The following RSF1 variants were observed in gnomAD, a reference collection of about 807,000 sequenced individuals.
RSF1 encodes remodeling and spacing factor 1.
In RSF1, 13 loss-of-function variants were observed where a neutral mutation model predicts 145.2. The ratio of observed to expected loss-of-function variants is 0.09; its 90% CI spans 0.06 to 0.14. The LOEUF (loss-of-function observed/expected upper bound fraction) is 0.14, where lower values mean the gene tolerates loss of function less well. RSF1 is among the 10% of genes least tolerant of loss of function. RSF1 has a pLI of 1.00. For synonymous variants in RSF1, 577 were observed against 592.6 expected, an observed-to-expected ratio of 0.97 and a Z score of 0.38; for missense variants, 1,517 against 1,718.2, an observed-to-expected ratio of 0.88 and a Z score of 2.07.
intron 5 of RSF1, among the ~76,000 whole-genome samples, chr11:77,707,280 T>C (rs1590842389): frequency 6.6e-6 from 1 of 152,224 alleles, no homozygotes. Context: ...GTCTAAATGT[T>C]GGCAAATAAC....
chr11:77,790,192 G>A (rs1948502754), intron 1 of RSF1, among the ~76,000 whole-genome samples: 1 of 152,216 alleles, frequency 6.6e-6, no homozygotes, highest in Non-Finnish European at 1.5e-5. Context: ...GTTCCACATG[G>A]CTAGGGAGGC....
chr11:77,701,094 G>A lies in RSF1; in HGVS notation c.2135C>T (p.Pro712Leu), dbSNP rs1012569237. Residue 712 changes from proline to leucine, a missense_variant, in exon 6 of 16, where the codon CCT (proline) becomes CTT (leucine). By Grantham distance (98) the Pro-to-Leu change is moderately conservative. This residue lies in a region of RSF1 where 579 missense variants were observed against 553.5 expected (regional missense o/e 1.05). Coordinates refer to ENST00000308488, the MANE Select transcript of RSF1 (RefSeq NM_016578.4). Reference sequence around the variant, plus strand: ...TTCTGAGGCAGTGGTTTCTTCTTCAGGAACCAACTTATATTTGAATTTGCT... The same window carrying A: ...TTCTGAGGCAGTGGTTTCTTCTTCAAGAACCAACTTATATTTGAATTTGCT... ...QKSKFKYKLV[P>L]EEETTASENT... The A allele has an allele frequency of 6.2e-7, 1 of 1,613,248 alleles. No homozygotes were observed. The highest frequency in any genetic ancestry group is 1.3e-5 in the African/African-American group (1 of 74,762).
chr11:77,821,170 G>T (rs1395563936), upstream of RSF1: 8 of 374,000 alleles, frequency 2.1e-5, no homozygotes, highest in Non-Finnish European at 2.4e-5. Context: ...TCCCGAAGCA[G>T]CGCTGGGAGC....
rs75736986 is a variant in RSF1, at chr11:77,666,823, A to T, written c.*94T>A. On this transcript the variant is annotated 3_prime_UTR_variant, in exon 16 of 16. Transcript: ENST00000308488. ...TCTTCTAAAAGTCATTCTGTAGTGG[A>T]GTTTTCTAGGAAAAATTAAACAGCT... 4.5e-3 allele frequency: 4,747 copies of T among 1,044,526 alleles called. 158 individuals are homozygous for T. In the East Asian group the frequency reaches 0.077, roughly 17 times the overall value. 64.7% of individuals were successfully genotyped at this position (1,044,526 alleles called of 1,614,324 possible).
intron 7 of RSF1, among the ~76,000 whole-genome samples, 191 bp downstream of exon 7, chr11:77,698,296 G>GA (rs1314501324): frequency 6.6e-6 from 1 of 152,234 alleles, no homozygotes; most frequent in African/African-American, 2.4e-5. Context: ...CAAGTAGAAT[G>GA]AAAGTAGGAT....
At chr11:77,834,443 T>G in the RSF1 span, among the ~76,000 whole-genome samples, 1 of 68,786 alleles carries the variant, frequency 1.5e-5, no homozygotes, top group Non-Finnish European at 3.3e-5. Flanking sequence ...TTGATTTTGT[T>G]TTTTTTTTTT....
At chr11:77,838,191 A>ATAGGTGCCAAATTGACAAGATG in the RSF1 span, among the ~76,000 whole-genome samples, 2 of 151,844 alleles carry the variant, frequency 1.3e-5, no homozygotes, top group African/African-American at 4.8e-5. Context: ...GGAGACACAT[A>ATAGGTGCCAAATTGACAAGATG]TAGGTGCCAA....
chr11:77,862,368 T>C, the RSF1 span, among the ~76,000 whole-genome samples: 5 of 152,346 alleles, frequency 3.3e-5, no homozygotes, highest in South Asian at 1.0e-3. Context: ...CTAACCCTTG[T>C]AAAACATCAA....
At chr11:77,748,439 G>C (rs1239648659) in intron 2 of RSF1, among the ~76,000 whole-genome samples, 2 of 151,640 alleles carry the variant, frequency 1.3e-5, no homozygotes, top group African/African-American at 4.9e-5. Flanking sequence ...TGCCAAGATG[G>C]ACAATGGACA....
chr11:77,866,876 T>C, the RSF1 span: 1 of 152,204 alleles, frequency 6.6e-6, no homozygotes. Flanking sequence ...GTTTCGCTCT[T>C]GTTGCCCAGG....
chr11:77,821,000 CA>C (rs1948872108), upstream of RSF1: 2 of 480,394 alleles, frequency 4.2e-6, no homozygotes, highest in African/African-American at 2.0e-5. Context: ...CCTCGTGTGA[CA>C]GGGGGAATGA....
intron 1 of RSF1, among the ~76,000 whole-genome samples, chr11:77,812,342 C>T (rs1342715692): frequency 5.9e-5 from 9 of 152,096 alleles, no homozygotes; most frequent in Non-Finnish European, 1.5e-5. Flanking sequence ...AGGGAAAAAA[C>T]TGTATAATCC....
the RSF1 span, among the ~76,000 whole-genome samples, chr11:77,858,813 T>C: frequency 6.6e-6 from 1 of 152,232 alleles, no homozygotes; most frequent in Admixed American, 6.5e-5. Context: ...CGGTAGGTCT[T>C]AGTCATGGAC....
upstream of RSF1, chr11:77,820,732 A>AGGAGGAGGCGATGGG (rs1948864600): frequency 1.9e-6 from 3 of 1,539,476 alleles, no homozygotes; most frequent in Non-Finnish European, 1.8e-6. Context: ...TGGAGGATGG[A>AGGAGGAGGCGATGGG]GGAGGAGGCG....
At chr11:77,758,154 AAAG>A (rs1415921072) in intron 2 of RSF1, among the ~76,000 whole-genome samples, 3 of 152,016 alleles carry the variant, frequency 2.0e-5, no homozygotes, top group Non-Finnish European at 2.9e-5. Flanking sequence ...AAAAAAAAAA[AAAG>A]AAGGTAGATT....
At chr11:77,764,283 G>A (rs1948204236) in intron 2 of RSF1, 1 of 237,684 alleles carries the variant, frequency 4.2e-6, no homozygotes, top group Non-Finnish European at 8.0e-6. Flanking sequence ...CAACATCCCT[G>A]AGCCTTATTA....
At chr11:77,777,019 C>A (rs1437942435) in intron 1 of RSF1, among the ~76,000 whole-genome samples, 1 of 151,932 alleles carries the variant, frequency 6.6e-6, no homozygotes, top group African/African-American at 2.4e-5. Flanking sequence ...TTTAAAAAAA[C>A]AAACAAAAGG....
intron 1 of RSF1, among the ~76,000 whole-genome samples, chr11:77,775,134 G>A (rs1948328820): frequency 6.6e-6 from 1 of 151,472 alleles, no homozygotes; most frequent in Non-Finnish European, 1.5e-5. Context: ...TGTAATCCCA[G>A]CTACTCAGGA....
intron 9 of RSF1, among the ~76,000 whole-genome samples, chr11:77,690,161 C>CAAAAAAAAAAAAAA (rs112481534): frequency 1.1e-5 from 1 of 88,520 alleles, no homozygotes; most frequent in Non-Finnish European, 2.6e-5. Flanking sequence ...GACTCCATCT[C>CAAAAAAAAAAAAAA]AAAAAAAAAA....
Sources: gnomAD v4.1 joint callset for allele counts (sites outside exome capture counted in the v4.1 genomes callset) on GRCh38, gnomAD v4.1.1 for gene constraint, gnomAD v4.1.1 regional missense constraint, MANE v1.5 for transcripts, NCBI Gene and HGNC (gene_info 2026-07-23, HGNC 2026-07-21) for gene names.